EDA: variants seen among roughly 807,000 people sequenced by gnomAD.
EDA encodes ectodysplasin-A.
In EDA, 2 loss-of-function variants were observed where a neutral mutation model predicts 23.6. That is an observed-to-expected ratio of 0.08 (90% CI 0.03 to 0.27). The LOEUF (loss-of-function observed/expected upper bound fraction) is 0.27. EDA is among the 10% of genes least tolerant of loss of function. The pLI, the probability that EDA is intolerant of heterozygous loss-of-function variation, is 1.00. For missense variants in EDA, 229 were observed against 324.2 expected, an observed-to-expected ratio of 0.71 and a Z score of 2.26; for synonymous variants, 131 against 132.0, an observed-to-expected ratio of 0.99 and a Z score of 0.05.
intron 1 of EDA, among the ~76,000 whole-genome samples, chrX:69,941,696 A>C (rs1457641517): frequency 3.6e-5 from 4 of 111,436 alleles, no homozygotes; most frequent in Admixed American, 2.9e-4. Context: ...TCTTGTAGGC[A>C]ACAGATCATT....
intron 2 of EDA, among the ~76,000 whole-genome samples, chrX:70,012,121 G>A (rs776366928): frequency 4.3e-4 from 48 of 111,625 alleles, no homozygotes; most frequent in Non-Finnish European, 5.6e-4. Flanking sequence ...GTACTGCATA[G>A]CTATATGTCC....
intron 1 of EDA, among the ~76,000 whole-genome samples, chrX:69,628,145 G>T (rs1932454169): frequency 2.7e-5 from 3 of 112,150 alleles, no homozygotes; most frequent in African/African-American, 6.5e-5. Flanking sequence ...TCTGTGGTTT[G>T]TGGATTGTTA....
intron 1 of EDA, among the ~76,000 whole-genome samples, chrX:69,868,662 G>A (rs1602497193): frequency 8.9e-6 from 1 of 112,205 alleles, no homozygotes; most frequent in East Asian, 2.8e-4. Context: ...CTCCAAATAA[G>A]ATTATGACAC....
chrX:69,885,733 A>T (rs184014044), intron 1 of EDA, among the ~76,000 whole-genome samples: 19 of 111,813 alleles, frequency 1.7e-4, no homozygotes, highest in African/African-American at 5.8e-4. Flanking sequence ...CCACATCCAG[A>T]TAACATACTT....
At chrX:69,834,668 A>G (rs887205175) in intron 1 of EDA, among the ~76,000 whole-genome samples, 16 of 110,551 alleles carry the variant, frequency 1.4e-4, no homozygotes, top group Non-Finnish European at 2.5e-4. Flanking sequence ...TCTTTATCCA[A>G]TTTGCCAGTC....
At chrX:69,753,448 G>A (rs1187425879) in intron 1 of EDA, among the ~76,000 whole-genome samples, 2 of 111,989 alleles carry the variant, frequency 1.8e-5, no homozygotes, top group African/African-American at 3.3e-5. Context: ...GAGACAGTTT[G>A]TTATAATTTC....
intron 1 of EDA, among the ~76,000 whole-genome samples, chrX:69,758,177 C>T (rs1024012650): frequency 2.7e-5 from 3 of 112,243 alleles, no homozygotes; most frequent in Admixed American, 9.4e-5. Flanking sequence ...TTTCAAACAT[C>T]GGGTATAGGC....
At chrX:70,024,936 G>A (rs1016074730) in intron 3 of EDA, among the ~76,000 whole-genome samples, 1 of 111,951 alleles carries the variant, frequency 8.9e-6, no homozygotes, top group African/African-American at 3.3e-5. Context: ...ATATCATGAG[G>A]TGTTCTGTTA....
At chrX:69,983,902 G>C (rs2019455268) in intron 2 of EDA, among the ~76,000 whole-genome samples, 1 of 108,634 alleles carries the variant, frequency 9.2e-6, no homozygotes, top group South Asian at 4.2e-4. Context: ...TAAAAGAACA[G>C]AAATTATAAC....
At position 69,849,082 on chromosome X, in the gene EDA, T is replaced by TATAC. The variant is rs1160574693; in HGVS notation, c.397-107944_397-107943insTACA. On this transcript the variant is annotated intron_variant, in intron 1 of 7. Coordinates refer to ENST00000374552, the MANE Select transcript of EDA (RefSeq NM_001399.5). ...TAATATAATGCACACAAAGTCTATATACACACACACACACACACACACACA... is the reference window on the plus strand; with the variant it reads ...TAATATAATGCACACAAAGTCTATATATACACACACACACACACACACACACACA... Among the ~76,000 whole-genome samples the TATAC allele has an allele frequency of 4.4e-3, 250 of 56,990 alleles. 2 individuals carry two copies. Among genetic ancestry groups the TATAC allele is most frequent in the East Asian group, 0.017 (44 of 2,587 alleles). 49.5% of individuals were successfully genotyped at this position (56,990 alleles called of 115,157 possible).
intron 6 of EDA, among the ~76,000 whole-genome samples, chrX:70,031,023 G>A (rs2020191057): frequency 8.9e-6 from 1 of 112,347 alleles, no homozygotes; most frequent in Non-Finnish European, 1.9e-5. Flanking sequence ...AAGAAACACT[G>A]ATTTGTTGTA....
chrX:69,764,234 CTTTTTTTTT>C (rs1189179243), intron 1 of EDA, among the ~76,000 whole-genome samples: 3 of 44,570 alleles, frequency 6.7e-5, no homozygotes, highest in African/African-American at 9.9e-5. Flanking sequence ...ATTTTTTATT[CTTTTTTTTT>C]TTTTTTTTTT....
intron 1 of EDA, among the ~76,000 whole-genome samples, chrX:69,703,473 G>A (rs986678064): frequency 8.9e-6 from 1 of 112,049 alleles, no homozygotes; most frequent in African/African-American, 3.2e-5. Context: ...TTCTAATCCC[G>A]AGAGCGTGCC....
intron 1 of EDA, among the ~76,000 whole-genome samples, chrX:69,850,858 C>G (rs962073000): frequency 3.6e-5 from 4 of 111,776 alleles, no homozygotes; most frequent in Non-Finnish European, 7.5e-5. Context: ...TTTGCACATA[C>G]TACATGTTAT....
chrX:69,669,135 C>T (rs1377490862), intron 1 of EDA, among the ~76,000 whole-genome samples: 1 of 111,213 alleles, frequency 9.0e-6, no homozygotes, highest in African/African-American at 3.3e-5. Flanking sequence ...AATAGCTTTT[C>T]CCATTCCTTT....
intron 1 of EDA, among the ~76,000 whole-genome samples, chrX:69,631,293 A>C (rs1932570732): frequency 9.3e-6 from 1 of 108,007 alleles, no homozygotes. Context: ...AGGCAGGAGA[A>C]TCAGCTTGAG....
intron 1 of EDA, among the ~76,000 whole-genome samples, chrX:69,953,427 G>A (rs928512968): frequency 8.9e-6 from 1 of 111,964 alleles, no homozygotes; most frequent in African/African-American, 3.2e-5. Context: ...CAGAGCACTG[G>A]GACCCTTTAT....
intron 1 of EDA, among the ~76,000 whole-genome samples, chrX:69,761,032 G>C (rs780037231): frequency 2.7e-5 from 3 of 110,971 alleles, no homozygotes; most frequent in Non-Finnish European, 3.8e-5. Flanking sequence ...GCTCAAATGA[G>C]TTGCGGGGGA....
At chrX:69,911,216 G>T (rs1037856607) in intron 1 of EDA, among the ~76,000 whole-genome samples, 3 of 111,901 alleles carry the variant, frequency 2.7e-5, no homozygotes. Flanking sequence ...GCTGCTTGTA[G>T]TCTGCCCTGC....
Sources: gnomAD v4.1 joint callset for allele counts (sites outside exome capture counted in the v4.1 genomes callset) on GRCh38, gnomAD v4.1.1 for gene constraint, MANE v1.5 for transcripts, NCBI Gene and HGNC (gene_info 2026-07-23, HGNC 2026-07-21) for gene names.